The following TNR variants were observed in gnomAD, a reference collection of about 807,000 sequenced individuals.
TNR encodes tenascin R.
Under a neutral mutation model 150.4 loss-of-function variants are expected in TNR, and 45 were observed. That is an observed-to-expected ratio of 0.30 (90% CI 0.24 to 0.38). TNR has a LOEUF of 0.38. Among genes scored for constraint, TNR ranks in the 10% least tolerant of loss-of-function variants. The probability of loss-of-function intolerance (pLI) is 1.00; values close to 1 mark genes in which losing one functional copy is unlikely to be tolerated. For synonymous variants in TNR, 687 were observed against 678.4 expected (o/e 1.01, Z -0.20); for missense variants, 1,544 against 1,759.1 (o/e 0.88, Z 2.19).
chr1:175,466,302 CT>C (rs1292854707), intron 2 of TNR, among the ~76,000 whole-genome samples: 5 of 152,206 alleles, frequency 3.3e-5, no homozygotes, highest in East Asian at 1.9e-4. Context: ...TCAGCCTCTG[CT>C]TTTCTGATGG....
intron 1 of TNR, among the ~76,000 whole-genome samples, chr1:175,587,669 T>TA (rs1015247825): frequency 2.8e-4 from 42 of 151,670 alleles, no homozygotes; most frequent in African/African-American, 8.5e-4. Flanking sequence ...ACATGGACTT[T>TA]AAAAAAAAAT....
In TNR at chr1:175,665,054, C is replaced by T. The variant is rs1365171966; in HGVS notation, c.-165+78172G>A. ...AAGAGTGAATGATACAGCCAACGTT[C>T]ACATGAGCAGTAATGCTGACAGCTT... On this transcript the variant is annotated intron_variant, in intron 1 of 22. Coordinates refer to ENST00000367674, the MANE Select transcript of TNR (RefSeq NM_003285.3). Among the ~76,000 whole-genome samples, 5 of 152,208 alleles carry T rather than the reference C, an allele frequency of 3.3e-5. No homozygotes were observed. The East Asian group carries it at 7.7e-4, about 23-fold the overall frequency.
At chr1:175,574,266 C>A (rs1207952138) in intron 1 of TNR, among the ~76,000 whole-genome samples, 2 of 152,226 alleles carry the variant, frequency 1.3e-5, no homozygotes, top group East Asian at 1.9e-4. Flanking sequence ...AAAACCTTCT[C>A]CTTTCTCCCC....
chr1:175,494,114 A>G (rs191708936), intron 2 of TNR, among the ~76,000 whole-genome samples: 3 of 151,538 alleles, frequency 2.0e-5, no homozygotes, highest in East Asian at 3.9e-4. Context: ...CCAGCCTGTC[A>G]CTGTGCCGCC....
At chr1:175,428,361 C>A (rs1655107806) in intron 2 of TNR, among the ~76,000 whole-genome samples, 1 of 152,132 alleles carries the variant, frequency 6.6e-6, no homozygotes, top group South Asian at 2.1e-4. Flanking sequence ...TGAGACATGG[C>A]TGAGGGAACT....
chr1:175,568,258 A>T (rs1352643621), intron 1 of TNR, among the ~76,000 whole-genome samples: 1 of 151,574 alleles, frequency 6.6e-6, no homozygotes, highest in Non-Finnish European at 1.5e-5. Flanking sequence ...CTGAAGTATG[A>T]TGATGGATCA....
At chr1:175,521,846 A>C (rs1659653413) in intron 2 of TNR, among the ~76,000 whole-genome samples, 1 of 152,068 alleles carries the variant, frequency 6.6e-6, no homozygotes, top group South Asian at 2.1e-4. Flanking sequence ...TAACACAGCC[A>C]ATGCCAGGAA....
chr1:175,541,149 G>C (rs1660487314), intron 1 of TNR, among the ~76,000 whole-genome samples: 1 of 152,112 alleles, frequency 6.6e-6, no homozygotes. Context: ...TCCAGGGATG[G>C]GTTAGATGCC....
At chr1:175,391,266 G>C (rs1021058164) in intron 7 of TNR, 22 bp downstream of exon 7, 7 of 1,611,920 alleles carry the variant, frequency 4.3e-6, no homozygotes, top group Non-Finnish European at 5.9e-6. Flanking sequence ...CAGCTCTAGG[G>C]AGAAGGGTTG....
chr1:175,617,448 G>A lies in TNR; in HGVS notation c.-164-89079C>T, dbSNP rs1372317337. On this transcript the variant is annotated intron_variant, in intron 1 of 22. Coordinates refer to ENST00000367674, the MANE Select transcript of TNR (RefSeq NM_003285.3). ...CTAAGGTCGGCACTGGCTCCAGTCA[G>A]CGGGGTAGAGACGATTTGGTGACAA... 1.2e-4 allele frequency among the ~76,000 whole-genome samples: 18 copies of A among 152,350 alleles called. No individual in the cohort carries two copies. The East Asian group carries it at 3.1e-3, about 26-fold the overall frequency.
At chr1:175,450,519 C>T (rs1286490630) in intron 2 of TNR, among the ~76,000 whole-genome samples, 2 of 152,230 alleles carry the variant, frequency 1.3e-5, no homozygotes, top group Middle Eastern at 3.2e-3. Flanking sequence ...GCTTGTTAGA[C>T]AGCTGATAGC....
chr1:175,604,985 A>G (rs1663364390), intron 1 of TNR, among the ~76,000 whole-genome samples: 1 of 152,242 alleles, frequency 6.6e-6, no homozygotes, highest in Admixed American at 6.5e-5. Context: ...CTGACAAAGT[A>G]TAATTAATGA....
At chr1:175,488,901 T>C (rs574281789) in intron 2 of TNR, among the ~76,000 whole-genome samples, 78 of 152,162 alleles carry the variant, frequency 5.1e-4, no homozygotes, top group Non-Finnish European at 6.9e-4. Flanking sequence ...TCAGAAAGGA[T>C]AGAAAGCTTG....
chr1:175,704,682 TG>T (rs1179003559), intron 1 of TNR, among the ~76,000 whole-genome samples: 1 of 152,176 alleles, frequency 6.6e-6, no homozygotes, highest in African/African-American at 2.4e-5. Context: ...AATCTCCTAA[TG>T]GCTTGTATTT....
intron 1 of TNR, among the ~76,000 whole-genome samples, chr1:175,662,299 A>G (rs894442401): frequency 5.3e-5 from 8 of 152,080 alleles, no homozygotes; most frequent in African/African-American, 1.9e-4. Flanking sequence ...GGTCTCCCCT[A>G]GTTACTCCAG....
At chr1:175,552,872 A>T (rs1661000159) in intron 1 of TNR, among the ~76,000 whole-genome samples, 1 of 152,156 alleles carries the variant, frequency 6.6e-6, no homozygotes, top group Admixed American at 6.5e-5. Flanking sequence ...ACATTTGAAC[A>T]CTGAGCCTAA....
Position 175,365,099 on chromosome 1 carries a change from C to T in TNR, c.2498G>A (p.Gly833Asp), listed in dbSNP as rs1240669478. ...AATATACTCTGTGGCTGGTTGCAGG[C>T]CCATCAGGACAGCATGCCTCTTGGT... ...DATKRHAVLM[G>D]LQPATEYIVN... Residue 833 changes from glycine to aspartate, a missense_variant, in exon 12 of 23, where the codon GGC becomes GAC. Transcript: ENST00000367674. 2 of 1,614,060 alleles carry T rather than the reference C, an allele frequency of 1.2e-6. No individual in the cohort carries two copies. Among genetic ancestry groups the T allele is most frequent in the Admixed American group, 3.3e-5 (2 of 60,016 alleles).
At chr1:175,566,692 A>G (rs1169510634) in intron 1 of TNR, among the ~76,000 whole-genome samples, 2 of 152,214 alleles carry the variant, frequency 1.3e-5, no homozygotes, top group Non-Finnish European at 2.9e-5. Context: ...TCTCCATGTC[A>G]TGGATGGCCA....
intron 1 of TNR, among the ~76,000 whole-genome samples, chr1:175,584,143 G>A (rs542617269): frequency 6.6e-6 from 1 of 152,152 alleles, no homozygotes; most frequent in African/African-American, 2.4e-5. Flanking sequence ...GACCCCATTT[G>A]GAGACAGGAT....
Sources: gnomAD v4.1 joint callset for allele counts (sites outside exome capture counted in the v4.1 genomes callset) on GRCh38, gnomAD v4.1.1 for gene constraint, MANE v1.5 for transcripts, NCBI Gene and HGNC (gene_info 2026-07-23, HGNC 2026-07-21) for gene names.